CLASP2: variants seen among roughly 807,000 people sequenced by gnomAD.
CLASP2 encodes the protein cytoplasmic linker associated protein 2, also known as CLIP-associating protein 2.
In CLASP2, 47 loss-of-function variants were observed where a neutral mutation model predicts 194.4. The ratio of observed to expected loss-of-function variants is 0.24; its 90% CI spans 0.19 to 0.31. The LOEUF (loss-of-function observed/expected upper bound fraction) is 0.31. Ranked by LOEUF, CLASP2 falls within the 10% of genes least tolerant of loss-of-function variation. The probability of loss-of-function intolerance (pLI) is 1.00; values close to 1 mark genes in which losing one functional copy is unlikely to be tolerated. For missense variants in CLASP2, 1,445 were observed against 1,823.6 expected (o/e 0.79, Z 3.78); for synonymous variants, 619 against 633.5 (o/e 0.98, Z 0.34).
At chr3:33,634,897 G>A (rs1036330547) in intron 8 of CLASP2, among the ~76,000 whole-genome samples, 4 of 152,078 alleles carry the variant, frequency 2.6e-5, no homozygotes, top group Non-Finnish European at 5.9e-5. Context: ...CACTAGCAAC[G>A]AAGTTAGAAA....
At chr3:33,578,731 C>T (rs1324119586) in intron 23 of CLASP2, among the ~76,000 whole-genome samples, 5 of 152,020 alleles carry the variant, frequency 3.3e-5, no homozygotes, top group East Asian at 1.9e-4. Flanking sequence ...GTCTAGTGGA[C>T]AAAAATCTTT....
intron 6 of CLASP2, among the ~76,000 whole-genome samples, chr3:33,667,209 A>G (rs1359189839): frequency 6.6e-6 from 1 of 151,780 alleles, no homozygotes; most frequent in Non-Finnish European, 1.5e-5. Context: ...GTCAAAGGTT[A>G]AAGACCAGCC....
At chr3:33,551,196 CATA>C in intron 30 of CLASP2, 53 bp downstream of exon 30, 2 of 1,475,954 alleles carry the variant, frequency 1.4e-6, no homozygotes, top group South Asian at 1.3e-5. Context: ...ACTGGCAATC[CATA>C]ATAACTGACT....
chr3:33,665,953 C>T (rs2086104336), intron 6 of CLASP2, among the ~76,000 whole-genome samples: 1 of 151,940 alleles, frequency 6.6e-6, no homozygotes, highest in African/African-American at 2.4e-5. Context: ...CTGGATTGTC[C>T]AAAAGATTAT....
chr3:33,521,721 G>C (rs553637364), intron 34 of CLASP2, among the ~76,000 whole-genome samples: 1 of 152,212 alleles, frequency 6.6e-6, no homozygotes, highest in African/African-American at 2.4e-5. Flanking sequence ...GGAAGCATCA[G>C]GACTCTGTCT....
chr3:33,676,077 A>G (rs1433451261), intron 6 of CLASP2, among the ~76,000 whole-genome samples: 1 of 152,104 alleles, frequency 6.6e-6, no homozygotes, highest in Non-Finnish European at 1.5e-5. Context: ...GACTTGGAAA[A>G]AACTACTTTA....
chr3:33,512,738 C>T (rs556277282), intron 36 of CLASP2, among the ~76,000 whole-genome samples: 1 of 149,542 alleles, frequency 6.7e-6, no homozygotes, highest in Non-Finnish European at 1.5e-5. Flanking sequence ...GCCTATAATC[C>T]CAGCACTTTG....
At chr3:33,648,957 T>A (rs1001601376) in intron 7 of CLASP2, among the ~76,000 whole-genome samples, 4 of 152,188 alleles carry the variant, frequency 2.6e-5, no homozygotes, top group African/African-American at 9.7e-5. Context: ...CAAAGTCATA[T>A]CACATCACTG....
rs190695932 is a variant in CLASP2, at chr3:33,672,353, A to G, written c.645-8838T>C. On this transcript the variant is annotated intron_variant, in intron 6 of 38. Coordinates refer to ENST00000682230, the MANE Select transcript of CLASP2 (RefSeq NM_001365631.1). ...CAAACAGGGTCTGGAGTGGACCTCTAGCAAATTCCAACAGACCTGCAGCTG... is the reference window on the plus strand; with the variant it reads ...CAAACAGGGTCTGGAGTGGACCTCTGGCAAATTCCAACAGACCTGCAGCTG... Among the ~76,000 whole-genome samples, 30 of 152,336 alleles carry G rather than the reference A, an allele frequency of 2.0e-4. No homozygotes were observed. The East Asian group carries it at 5.4e-3, about 27-fold the overall frequency.
intron 8 of CLASP2, among the ~76,000 whole-genome samples, chr3:33,634,099 A>G (rs1238968524): frequency 1.3e-5 from 2 of 152,236 alleles, no homozygotes; most frequent in African/African-American, 4.8e-5. Flanking sequence ...AATCAGAGAA[A>G]GAAGAGATCA....
chr3:33,575,751 T>G (rs190970820), intron 24 of CLASP2, among the ~76,000 whole-genome samples: 1 of 152,236 alleles, frequency 6.6e-6, no homozygotes, highest in East Asian at 1.9e-4. Flanking sequence ...CTTGAGGTTG[T>G]ACTTTCTTTT....
At chr3:33,685,493 A>T (rs925721453) in intron 5 of CLASP2, among the ~76,000 whole-genome samples, 3 of 152,152 alleles carry the variant, frequency 2.0e-5, no homozygotes, top group African/African-American at 7.2e-5. Flanking sequence ...ACTCAAACAG[A>T]TACTTTTTAC....
chr3:33,639,375 T>C (rs999064874), intron 8 of CLASP2, among the ~76,000 whole-genome samples: 3 of 152,150 alleles, frequency 2.0e-5, no homozygotes, highest in Non-Finnish European at 4.4e-5. Context: ...TCTTTGTTGA[T>C]TAACGTGGAG....
At chr3:33,667,294 C>T (rs931884331) in intron 6 of CLASP2, among the ~76,000 whole-genome samples, 1 of 150,894 alleles carries the variant, frequency 6.6e-6, no homozygotes, top group Non-Finnish European at 1.5e-5. Context: ...CACCTATAAT[C>T]CCAGCTACTC....
At chr3:33,668,933 T>A (rs903731973) in intron 6 of CLASP2, among the ~76,000 whole-genome samples, 2 of 152,192 alleles carry the variant, frequency 1.3e-5, no homozygotes, top group African/African-American at 2.4e-5. Context: ...GGGTAATAAG[T>A]CATTGGCCTA....
At chr3:33,527,860 G>T (rs1432990156) in intron 34 of CLASP2, among the ~76,000 whole-genome samples, 1 of 152,166 alleles carries the variant, frequency 6.6e-6, no homozygotes. Context: ...CTATTCAGGA[G>T]GCTGAGGCAG....
chr3:33,622,681 T>C (rs2077298736), intron 10 of CLASP2, among the ~76,000 whole-genome samples: 2 of 152,232 alleles, frequency 1.3e-5, no homozygotes, highest in African/African-American at 4.8e-5. Flanking sequence ...TTTTAAAGTA[T>C]ACAATTCAGT....
chr3:33,577,319 T>C, intron 23 of CLASP2: 1 of 1,402,970 alleles, frequency 7.1e-7, no homozygotes, highest in Non-Finnish European at 1.0e-6. Context: ...CAAGGAATAG[T>C]GGCAGCACTA....
At chr3:33,605,798 A>G (rs2073694826) in intron 16 of CLASP2, among the ~76,000 whole-genome samples, 1 of 151,912 alleles carries the variant, frequency 6.6e-6, no homozygotes, top group Non-Finnish European at 1.5e-5. Context: ...TTTAGTAGAG[A>G]TGGGGTTTCA....
Sources: allele counts gnomAD v4.1 joint callset (sites outside exome capture counted in the v4.1 genomes callset), GRCh38; gene constraint gnomAD v4.1.1; transcripts MANE v1.5; gene names NCBI Gene and HGNC (gene_info 2026-07-23, HGNC 2026-07-21).